The following AIG1 variants were observed in gnomAD, a reference collection of about 807,000 sequenced individuals.
AIG1 encodes androgen induced 1, also known as androgen-induced gene 1 protein.
AIG1 carries 23 observed loss-of-function variants against 31.4 expected under a neutral mutation model. That is an observed-to-expected ratio of 0.73 (90% CI 0.53 to 1.04). The LOEUF is 1.04. Ranked by LOEUF, AIG1 falls within the 50% of genes least tolerant of loss-of-function variation. The pLI is 0.00. For synonymous variants in AIG1, 100 were observed against 110.5 expected, an observed-to-expected ratio of 0.90 and a Z score of 0.60; for missense variants, 274 against 295.0, an observed-to-expected ratio of 0.93 and a Z score of 0.52.
intron 3 of AIG1, chr6:143,187,773 A>T: frequency 6.6e-7 from 1 of 1,514,882 alleles, no homozygotes; most frequent in Non-Finnish European, 8.8e-7. Context: ...CAAGAAGGAC[A>T]TTTGGAAATG....
chr6:143,306,350 T>G (rs1166844689), intron 4 of AIG1, among the ~76,000 whole-genome samples: 9 of 152,118 alleles, frequency 5.9e-5, no homozygotes, highest in Non-Finnish European at 1.0e-4. Context: ...GCATGATTTT[T>G]CAGTGGCTGG....
intron 3 of AIG1, among the ~76,000 whole-genome samples, chr6:143,181,307 C>A (rs1788696655): frequency 6.6e-6 from 1 of 152,118 alleles, no homozygotes. Context: ...CTCAAATGGA[C>A]CTCCCAAAGA....
intron 3 of AIG1, among the ~76,000 whole-genome samples, chr6:143,250,382 A>G (rs1258681823): frequency 6.6e-6 from 1 of 152,242 alleles, no homozygotes; most frequent in African/African-American, 2.4e-5. Context: ...ATAAATTTCA[A>G]AGATTTCCTA....
chr6:143,118,557 G>T (rs1020941134), intron 1 of AIG1, among the ~76,000 whole-genome samples: 1 of 151,942 alleles, frequency 6.6e-6, no homozygotes, highest in African/African-American at 2.4e-5. Context: ...GACTTAAGAC[G>T]GGCCAGTTTT....
chr6:143,104,768 G>T (rs1465511501), intron 1 of AIG1, among the ~76,000 whole-genome samples: 1 of 152,070 alleles, frequency 6.6e-6, no homozygotes, highest in Non-Finnish European at 1.5e-5. Flanking sequence ...GCTGAGCATG[G>T]TGATGTGCGC....
In AIG1 at chr6:143,136,849, CT is replaced by C. The variant is rs1278119390; in HGVS notation, c.162del (p.Phe54LeufsTer6). The C allele has an allele frequency of 2.9e-5, 42 of 1,438,368 alleles. No homozygotes were observed. Among genetic ancestry groups the C allele is most frequent in the South Asian group, 1.6e-4 (10 of 63,168 alleles). 89.1% of individuals were successfully genotyped at this position (1,438,368 alleles called of 1,614,324 possible). On this transcript the variant is annotated frameshift_variant, in exon 2 of 6. Transcript: ENST00000357847. LOFTEE classifies it high-confidence loss of function. ...TCCCCCTACAGGTTATCCAGGCTGT[CT>C]TTTTTGGCATCTGTGTGCTGACTGA... ...TFIDLVIQAV[F>X]FGICVLTDLS...
chr6:143,325,741 A>T lies in AIG1; in HGVS notation c.516-7541A>T, dbSNP rs894811419. On this transcript the variant is annotated intron_variant, in intron 4 of 5. Coordinates refer to ENST00000357847, the MANE Select transcript of AIG1 (RefSeq NM_016108.4). This position sits in a 1 kb window ranked among gnomAD's most constrained non-coding sequence, Gnocchi z 4.3. ...CATAACTGAAATAGAAGTTTCACAA[A>T]ATAATTCTTATCATCATTATATGCA... 1.3e-5 allele frequency among the ~76,000 whole-genome samples: 2 copies of T among 152,226 alleles called. No individual in the cohort carries two copies. Among genetic ancestry groups the T allele is most frequent in the Non-Finnish European group, 2.9e-5 (2 of 68,038 alleles).
downstream of AIG1, among the ~76,000 whole-genome samples, chr6:143,341,368 A>C (rs1366086095): frequency 6.6e-6 from 1 of 152,196 alleles, no homozygotes; most frequent in Non-Finnish European, 1.5e-5. Context: ...TATGGGTTAC[A>C]TTGTGGCACT....
intron 3 of AIG1, among the ~76,000 whole-genome samples, chr6:143,176,537 T>C (rs2128579812): frequency 6.7e-6 from 1 of 149,206 alleles, no homozygotes; most frequent in Non-Finnish European, 1.5e-5. Context: ...CTGTGGGAGA[T>C]TGGGGGTGTA....
At chr6:143,254,698 T>C (rs1795254672) in intron 3 of AIG1, among the ~76,000 whole-genome samples, 1 of 152,184 alleles carries the variant, frequency 6.6e-6, no homozygotes, top group South Asian at 2.1e-4. Context: ...AGAGTTGTGA[T>C]GCTTTGTGAG....
chr6:143,214,855 G>A (rs1791894417), intron 3 of AIG1, among the ~76,000 whole-genome samples: 1 of 152,082 alleles, frequency 6.6e-6, no homozygotes, highest in African/African-American at 2.4e-5. Context: ...GAATAGCTGT[G>A]CTCCTGTTTC....
At chr6:143,204,594 CTAAGG>C (rs1790961626) in intron 3 of AIG1, among the ~76,000 whole-genome samples, 2 of 152,108 alleles carry the variant, frequency 1.3e-5, no homozygotes, top group African/African-American at 4.8e-5. Flanking sequence ...AGTCAAGTCC[CTAAGG>C]CCAGCTCAGA....
At chr6:143,128,517 A>G (rs1056274643) in intron 1 of AIG1, among the ~76,000 whole-genome samples, 3 of 152,230 alleles carry the variant, frequency 2.0e-5, no homozygotes, top group African/African-American at 7.2e-5. Flanking sequence ...TAGCCTGCTA[A>G]GAACCCAAAG....
At chr6:143,168,963 T>TCTA (rs1787233997) in intron 3 of AIG1, among the ~76,000 whole-genome samples, 2 of 151,986 alleles carry the variant, frequency 1.3e-5, no homozygotes, top group African/African-American at 4.8e-5. Context: ...GCATATTTAG[T>TCTA]AATTTTGCTG....
intron 2 of AIG1, among the ~76,000 whole-genome samples, chr6:143,163,277 A>C (rs1483883267): frequency 8.5e-5 from 13 of 152,206 alleles, no homozygotes; most frequent in Admixed American, 8.5e-4. Context: ...GCTATCTTTA[A>C]TTAAGTGTTT....
intron 5 of AIG1, 138 bp from the exon 6 acceptor site, chr6:143,339,500 TA>T (rs1231942662): frequency 9.8e-5 from 74 of 758,722 alleles, no homozygotes; most frequent in Non-Finnish European, 3.2e-5. Context: ...TAGGAGGGAA[TA>T]GGGGGTGTGT....
chr6:143,154,049 G>A (rs576167525), intron 2 of AIG1, among the ~76,000 whole-genome samples: 273 of 151,794 alleles, frequency 1.8e-3, no homozygotes, highest in African/African-American at 5.0e-3. Context: ...CCAGGAGTTC[G>A]TGACCAGACT....
intron 4 of AIG1, among the ~76,000 whole-genome samples, chr6:143,296,125 G>A (rs1158335736): frequency 6.6e-6 from 1 of 151,900 alleles, no homozygotes; most frequent in East Asian, 1.9e-4. Flanking sequence ...TAGTTCAATG[G>A]TAACCATATA....
chr6:143,144,907 A>C (rs1784580383), intron 2 of AIG1, among the ~76,000 whole-genome samples: 1 of 152,230 alleles, frequency 6.6e-6, no homozygotes, highest in South Asian at 2.1e-4. Flanking sequence ...TAAATAATTC[A>C]ATATTAGTTG....
Sources: allele counts gnomAD v4.1 joint callset (sites outside exome capture counted in the v4.1 genomes callset), GRCh38; gene constraint gnomAD v4.1.1; non-coding constraint Gnocchi (gnomAD v3.1); transcripts MANE v1.5; gene names NCBI Gene and HGNC (gene_info 2026-07-23, HGNC 2026-07-21).